The following GRHL1 variants were observed in gnomAD, a reference collection of about 807,000 sequenced individuals.
GRHL1 encodes the protein grainyhead-like protein 1 homolog.
A neutral mutation model predicts 75.7 loss-of-function variants in GRHL1; 38 were observed. That is an observed-to-expected ratio of 0.50 (90% CI 0.39 to 0.66). The LOEUF (loss-of-function observed/expected upper bound fraction) is 0.66. Ranked by LOEUF, GRHL1 falls within the 30% of genes least tolerant of loss-of-function variation. The pLI is 0.00. For synonymous variants in GRHL1, 266 were observed against 279.4 expected (o/e 0.95, Z 0.48); for missense variants, 589 against 767.5 (o/e 0.77, Z 2.75).
chr2:9,955,897 A>C (rs1021114323), intron 2 of GRHL1, among the ~76,000 whole-genome samples: 1 of 152,220 alleles, frequency 6.6e-6, no homozygotes, highest in Non-Finnish European at 1.5e-5. Flanking sequence ...GGGGGTGGCT[A>C]CGTCTTTAGG....
intron 1 of GRHL1, among the ~76,000 whole-genome samples, chr2:9,952,209 C>A (rs1445528823): frequency 6.6e-6 from 1 of 152,046 alleles, no homozygotes; most frequent in Non-Finnish European, 1.5e-5. Flanking sequence ...CCAACGCCCC[C>A]GGGCCTCCCC....
rs868147592 is a variant in GRHL1 at position 9,998,647 on chromosome 2, T to C, written c.1678-318T>C. The stretch of plus-strand genomic sequence containing the variant: ...ACACATATACATATATATGTACACA[T>C]ATACATATACATATATATGTACACA... On this transcript the variant is annotated intron_variant, in intron 14 of 15. Coordinates refer to ENST00000324907, the MANE Select transcript of GRHL1 (RefSeq NM_198182.3). Among the ~76,000 whole-genome samples, 250 of 49,388 alleles carry C rather than the reference T, an allele frequency of 5.1e-3. 62 individuals are homozygous for C. Among genetic ancestry groups the C allele is most frequent in the African/African-American group, 0.011 (59 of 5,268 alleles). The allele number at this position is 49,388 out of a possible 152,430, so 32.4% of individuals were successfully genotyped here.
intron 1 of GRHL1, chr2:9,953,097 G>T (rs1219525970): frequency 2.2e-6 from 1 of 456,524 alleles, no homozygotes; most frequent in East Asian, 6.9e-5. Context: ...GTTTAGATAA[G>T]GCAAATTTTC....
At chr2:9,977,532 G>A (rs1221290026) in intron 8 of GRHL1, among the ~76,000 whole-genome samples, 1 of 152,166 alleles carries the variant, frequency 6.6e-6, no homozygotes, top group Non-Finnish European at 1.5e-5. Flanking sequence ...ATGTTGGCCA[G>A]GCTGGTCTCA....
rs79771483 is a variant in GRHL1 at position 9,992,543 on chromosome 2, C to T, written c.1461+397C>T. On this transcript the variant is annotated intron_variant, in intron 11 of 15. Transcript: ENST00000324907. This position sits in a 1 kb window ranked among gnomAD's most constrained non-coding sequence, Gnocchi z 4.6. Reference sequence around the variant, plus strand: ...CATAAGAACATCCGAAGGCTTTTCTCACAGTTCCAGTTACTGAGCCGTCCT... The same window carrying T: ...CATAAGAACATCCGAAGGCTTTTCTTACAGTTCCAGTTACTGAGCCGTCCT... Among the ~76,000 whole-genome samples the T allele has an allele frequency of 6.4e-3, 974 of 152,302 alleles. 4 individuals are homozygous for T. Among genetic ancestry groups the T allele is most frequent in the Non-Finnish European group, 0.011 (742 of 68,020 alleles).
intron 8 of GRHL1, among the ~76,000 whole-genome samples, chr2:9,978,131 G>A (rs915369376): frequency 1.3e-5 from 2 of 152,172 alleles, no homozygotes; most frequent in South Asian, 2.1e-4. Context: ...CTCAACACGT[G>A]GGAGTTATGG....
intron 1 of GRHL1, among the ~76,000 whole-genome samples, chr2:9,954,393 G>C (rs960406301): frequency 6.6e-6 from 1 of 152,116 alleles, no homozygotes; most frequent in African/African-American, 2.4e-5. Context: ...GGAGGATTGC[G>C]TGAAGGATCC....
chr2:9,965,852 T>A (rs886765802), intron 8 of GRHL1: 1 of 153,652 alleles, frequency 6.5e-6, no homozygotes, highest in Admixed American at 6.5e-5. Context: ...TTAAGATTCT[T>A]CTGTCTTGGG....
intron 14 of GRHL1, among the ~76,000 whole-genome samples, chr2:9,996,947 G>A (rs1000657348): frequency 1.3e-5 from 2 of 152,214 alleles, no homozygotes; most frequent in African/African-American, 4.8e-5. Flanking sequence ...AGTAAGAGAG[G>A]AAACATGGAA....
Position 9,955,103 on chromosome 2 carries a change from T to G in GRHL1, c.207+2T>G, listed in dbSNP as rs771698167. The G allele has an allele frequency of 6.2e-7, 1 of 1,602,382 alleles. No individual in the cohort carries two copies. The highest frequency in any genetic ancestry group is 8.5e-7 in the Non-Finnish European group (1 of 1,171,920). ...GGCCTGCTCTATGACTACTACAAGG[T>G]GGGTTTGCCTGCCTTTAAAACCCTT... On this transcript the variant is annotated splice_donor_variant, in intron 2 of 15. Transcript: ENST00000324907. LOFTEE classifies it high-confidence loss of function.
chr2:9,998,606 ATATACATATATATG>A (rs1394033772), intron 14 of GRHL1, among the ~76,000 whole-genome samples: 1 of 49,438 alleles, frequency 2.0e-5, no homozygotes, highest in Non-Finnish European at 3.4e-5. Context: ...ACACATATAT[ATATACATATATATG>A]TACACATATA....
Position 9,993,200 on chromosome 2 carries a change from G to C in GRHL1, c.1462-7G>C. On this transcript the variant is annotated splice_region_variant and splice_polypyrimidine_tract_variant and intron_variant, in intron 11 of 15. Coordinates refer to ENST00000324907, the MANE Select transcript of GRHL1 (RefSeq NM_198182.3). ...ATTTGAAAAGCAATCTATTCCTTTG[G>C]TCTTAGGTCCTTCCCATTGCCTCTG... 1 of 1,601,144 alleles carries C rather than the reference G, an allele frequency of 6.2e-7. No individual in the cohort carries two copies. The highest frequency in any genetic ancestry group is 8.6e-7 in the Non-Finnish European group (1 of 1,168,160).
At chr2:9,969,256 G>C (rs1667612768) in intron 8 of GRHL1, among the ~76,000 whole-genome samples, 1 of 152,198 alleles carries the variant, frequency 6.6e-6, no homozygotes, top group Non-Finnish European at 1.5e-5. Context: ...TTCTTTGAAT[G>C]CCTGTTATAT....
intron 14 of GRHL1, among the ~76,000 whole-genome samples, chr2:9,996,615 A>G (rs1421634346): frequency 6.6e-6 from 1 of 152,224 alleles, no homozygotes; most frequent in Non-Finnish European, 1.5e-5. Flanking sequence ...ACTGAAGTGA[A>G]TGCATCTGTG....
intron 8 of GRHL1, among the ~76,000 whole-genome samples, chr2:9,975,517 T>C (rs1667910853): frequency 1.3e-5 from 2 of 152,210 alleles, no homozygotes; most frequent in Non-Finnish European, 2.9e-5. Flanking sequence ...TCAGTATGTG[T>C]AAAATACTGC....
rs530442162 is a variant in GRHL1, at chr2:10,001,842, C to T, written c.*1135C>T. The T allele has an allele frequency of 6.6e-6, 1 of 152,476 alleles. No individual in the cohort carries two copies. The highest frequency in any genetic ancestry group is 1.5e-5 in the Non-Finnish European group (1 of 68,016). The allele number at this position is 152,476 out of a possible 1,614,324, so 9.4% of individuals were successfully genotyped here. A position where few individuals can be genotyped will look rare whatever the true frequency, so the allele number is the denominator to read the frequency against. Reference sequence around the variant, plus strand: ...CAACTCGAAATGCAGTTCTCATCTTCCTGTTTTGAGAAATGATTATTTTAT... The same window carrying T: ...CAACTCGAAATGCAGTTCTCATCTTTCTGTTTTGAGAAATGATTATTTTAT... On this transcript the variant is annotated 3_prime_UTR_variant, in exon 16 of 16. Transcript: ENST00000324907.
chr2:9,976,105 G>T (rs538405883), intron 8 of GRHL1, among the ~76,000 whole-genome samples: 1 of 152,124 alleles, frequency 6.6e-6, no homozygotes, highest in African/African-American at 2.4e-5. Flanking sequence ...TGAGTCATTC[G>T]TCCAGGAAAC....
chr2:9,975,670 GA>G (rs1572360014), intron 8 of GRHL1, among the ~76,000 whole-genome samples: 1 of 151,790 alleles, frequency 6.6e-6, no homozygotes, highest in East Asian at 1.9e-4. Flanking sequence ...CTGAGATCAG[GA>G]GTTCGAGACC....
intron 2 of GRHL1, among the ~76,000 whole-genome samples, chr2:9,955,888 G>C (rs1343865188): frequency 6.6e-6 from 1 of 152,178 alleles, no homozygotes; most frequent in Non-Finnish European, 1.5e-5. Context: ...CACACATTTG[G>C]GGGTGGCTAC....
Sources: gnomAD v4.1 joint callset for allele counts (sites outside exome capture counted in the v4.1 genomes callset) on GRCh38, gnomAD v4.1.1 for gene constraint, Gnocchi (gnomAD v3.1) non-coding constraint, MANE v1.5 for transcripts, NCBI Gene and HGNC (gene_info 2026-07-23, HGNC 2026-07-21) for gene names.